The following AGBL4 variants were observed in gnomAD, a reference collection of about 807,000 sequenced individuals.
The protein encoded by AGBL4 is cytosolic carboxypeptidase 6.
A neutral mutation model predicts 66.4 loss-of-function variants in AGBL4; 58 were observed. The ratio of observed to expected loss-of-function variants is 0.87; its 90% confidence interval spans 0.71 to 1.09. AGBL4 has a LOEUF of 1.09. Among genes scored for constraint, AGBL4 ranks in the 50% least tolerant of loss-of-function variants. AGBL4 has a pLI of 0.00. For missense variants in AGBL4, 579 were observed against 631.0 expected, an observed-to-expected ratio of 0.92 and a Z score of 0.88; for synonymous variants, 234 against 222.9, an observed-to-expected ratio of 1.05 and a Z score of -0.44.
At chr1:49,072,931 T>C (rs1332670390) in intron 4 of AGBL4, among the ~76,000 whole-genome samples, 2 of 152,200 alleles carry the variant, frequency 1.3e-5, no homozygotes, top group Admixed American at 1.3e-4. Flanking sequence ...CTTGCAGGCT[T>C]TGTTCATTTC....
At chr1:49,009,182 A>G (rs1368242904) in intron 5 of AGBL4, among the ~76,000 whole-genome samples, 1 of 151,940 alleles carries the variant, frequency 6.6e-6, no homozygotes, top group East Asian at 1.9e-4. Context: ...GCAATAAAAA[A>G]TGATAAAGGG....
chr1:49,457,794 C>T (rs1048206272), intron 3 of AGBL4, among the ~76,000 whole-genome samples: 4 of 151,768 alleles, frequency 2.6e-5, no homozygotes, highest in Non-Finnish European at 5.9e-5. Flanking sequence ...CCAATTATCC[C>T]AGCACCGTTT....
chr1:48,681,377 A>G lies in AGBL4; in HGVS notation c.635-18136T>C, dbSNP rs76102225. On this transcript the variant is annotated intron_variant, in intron 6 of 13. Transcript: ENST00000371839. ...TGTCTTCCACATCAGGCCCCCAAAG[A>G]TGCCTTAAATTTCTCTTTCTGCTTT... 3.3e-5 allele frequency among the ~76,000 whole-genome samples: 5 copies of G among 152,270 alleles called. No individual in the cohort carries two copies. The South Asian group carries it at 1.0e-3, about 32-fold the overall frequency.
At chr1:49,034,289 A>T (rs1482496954) in intron 5 of AGBL4, among the ~76,000 whole-genome samples, 1 of 152,158 alleles carries the variant, frequency 6.6e-6, no homozygotes, top group Non-Finnish European at 1.5e-5. Context: ...AAAAATTTGA[A>T]CTAAAATGAA....
intron 6 of AGBL4, among the ~76,000 whole-genome samples, chr1:48,688,882 G>A (rs1646576976): frequency 6.6e-6 from 1 of 151,948 alleles, no homozygotes; most frequent in Admixed American, 6.6e-5. Context: ...GGAAGAAGTG[G>A]GGGTGTCAGT....
intron 2 of AGBL4, among the ~76,000 whole-genome samples, chr1:49,810,535 G>A (rs148806648): frequency 8.6e-4 from 131 of 152,108 alleles, no homozygotes; most frequent in African/African-American, 3.0e-3. Flanking sequence ...AAGACTTGAT[G>A]TTAATAGGGG....
intron 4 of AGBL4, among the ~76,000 whole-genome samples, chr1:49,157,614 G>A (rs963433932): frequency 2.0e-5 from 3 of 152,102 alleles, no homozygotes; most frequent in African/African-American, 7.2e-5. Flanking sequence ...GGATTCCTGG[G>A]TCAAATGGTT....
rs150207602 is a variant in AGBL4 at position 48,882,526 on chromosome 1, A to G, written c.595-15296T>C. On this transcript the variant is annotated intron_variant, in intron 5 of 13. Transcript: ENST00000371839. Reference sequence around the variant, plus strand: ...ATGGCTATAAAGAACTACCTGAGATATATTAAGAATATATCTTGAATGTCC... The same window carrying G: ...ATGGCTATAAAGAACTACCTGAGATGTATTAAGAATATATCTTGAATGTCC... 7.5e-3 allele frequency among the ~76,000 whole-genome samples: 1,145 copies of G among 152,270 alleles called. 12 individuals are homozygous for G. The highest frequency in any genetic ancestry group is 0.013 in the Non-Finnish European group (872 of 68,020).
chr1:49,018,008 A>G (rs888779624), intron 5 of AGBL4, among the ~76,000 whole-genome samples: 1 of 152,120 alleles, frequency 6.6e-6, no homozygotes, highest in Non-Finnish European at 1.5e-5. Context: ...CTCTTCCTAC[A>G]TGACAAGCCG....
chr1:49,262,170 T>G (rs2148364708), intron 3 of AGBL4, among the ~76,000 whole-genome samples: 1 of 152,298 alleles, frequency 6.6e-6, no homozygotes, highest in African/African-American at 2.4e-5. Context: ...CAAGATGGAT[T>G]AAAGACTTAA....
At chr1:49,934,013 T>G (rs145167124) in intron 1 of AGBL4, among the ~76,000 whole-genome samples, 1 of 152,270 alleles carries the variant, frequency 6.6e-6, no homozygotes, top group African/African-American at 2.4e-5. Flanking sequence ...TACAAAAGAT[T>G]TATTTTATTT....
chr1:48,648,034 T>C (rs1482641214), intron 8 of AGBL4, among the ~76,000 whole-genome samples: 1 of 152,246 alleles, frequency 6.6e-6, no homozygotes, highest in Non-Finnish European at 1.5e-5. Flanking sequence ...GCCATACCAT[T>C]GTTTTTTGTA....
At chr1:49,080,503 T>A (rs767036866) in intron 4 of AGBL4, among the ~76,000 whole-genome samples, 55 of 152,120 alleles carry the variant, frequency 3.6e-4, no homozygotes, top group Non-Finnish European at 6.9e-4. Context: ...TTGTTTCTCC[T>A]CCCTTTGATT....
At chr1:49,417,632 T>C (rs1229991618) in intron 3 of AGBL4, among the ~76,000 whole-genome samples, 4 of 152,118 alleles carry the variant, frequency 2.6e-5, no homozygotes, top group Non-Finnish European at 4.4e-5. Flanking sequence ...AAGAACTTCC[T>C]AAGGATTGAA....
At chr1:48,977,044 G>C (rs990870088) in intron 5 of AGBL4, among the ~76,000 whole-genome samples, 1 of 151,874 alleles carries the variant, frequency 6.6e-6, no homozygotes, top group East Asian at 1.9e-4. Context: ...ACTGTCCCTA[G>C]TGTGCCTGGC....
intron 4 of AGBL4, among the ~76,000 whole-genome samples, chr1:49,238,117 T>C (rs1650931552): frequency 1.3e-5 from 2 of 152,188 alleles, no homozygotes; most frequent in South Asian, 4.1e-4. Context: ...GTTTTCAAGA[T>C]TCTTTCTTTG....
chr1:49,946,657 A>G (rs778415549), intron 1 of AGBL4, among the ~76,000 whole-genome samples: 2 of 151,994 alleles, frequency 1.3e-5, no homozygotes, highest in South Asian at 4.1e-4. Context: ...TAGGGAAACA[A>G]GAACAAACCA....
At chr1:49,319,914 T>C (rs1645102321) in intron 3 of AGBL4, among the ~76,000 whole-genome samples, 1 of 152,114 alleles carries the variant, frequency 6.6e-6, no homozygotes. Flanking sequence ...ACTGTTACTG[T>C]GGTAATTAAA....
In AGBL4 at chr1:49,174,875, C is replaced by T. The variant is rs563928325; in HGVS notation, c.377+70895G>A. ...CCATCTATTCTGACCTCTGAAGTCA[C>T]CATGCCCATTAACTGAGGATGAAGA... On this transcript the variant is annotated intron_variant, in intron 4 of 13. Coordinates refer to ENST00000371839, the MANE Select transcript of AGBL4 (RefSeq NM_032785.4). 3 of 152,042 alleles carry T rather than the reference C, an allele frequency of 2.0e-5. No individual in the cohort carries two copies. The South Asian group carries it at 6.2e-4, about 32-fold the overall frequency. 9.4% of individuals were successfully genotyped at this position (152,042 alleles called of 1,614,324 possible).
Sources: allele counts gnomAD v4.1 joint callset (sites outside exome capture counted in the v4.1 genomes callset), GRCh38; gene constraint gnomAD v4.1.1; transcripts MANE v1.5; gene names NCBI Gene and HGNC (gene_info 2026-07-23, HGNC 2026-07-21).